DMD: variants seen among roughly 807,000 people sequenced by gnomAD.
DMD encodes the protein mutant dystrophin.
In DMD, 63 loss-of-function variants were observed where a neutral mutation model predicts 330.1. The ratio of observed to expected loss-of-function variants is 0.19; its 90% CI spans 0.16 to 0.24. The LOEUF (loss-of-function observed/expected upper bound fraction) is 0.24, where lower values mean the gene tolerates loss of function less well. Among genes scored for constraint, DMD ranks in the 10% least tolerant of loss-of-function variants. The probability of loss-of-function intolerance (pLI) is 1.00; values close to 1 mark genes in which losing one functional copy is unlikely to be tolerated. For synonymous variants in DMD, 1,223 were observed against 959.8 expected (o/e 1.27, Z -5.07); for missense variants, 3,344 against 2,684.1 (o/e 1.25, Z -5.43).
intron 7 of DMD, among the ~76,000 whole-genome samples, chrX:32,713,222 C>A (rs1298704206): frequency 9.0e-6 from 1 of 111,583 alleles, no homozygotes; most frequent in South Asian, 3.7e-4. Context: ...AACTGAATCC[C>A]TCTTACCATT....
At chrX:32,247,690 T>C (rs190285438) in intron 43 of DMD, among the ~76,000 whole-genome samples, 1 of 111,671 alleles carries the variant, frequency 9.0e-6, no homozygotes, top group African/African-American at 3.2e-5. Context: ...CAAACTGTGT[T>C]AGACAGTCCT....
rs183813755 is a variant in DMD, at chrX:31,950,746, C to T, written c.6614+17593G>A. Among the ~76,000 whole-genome samples, 381 of 110,320 alleles carry T rather than the reference C, an allele frequency of 3.5e-3. 3 individuals are homozygous for T. The highest frequency in any genetic ancestry group is 0.012 in the African/African-American group (364 of 30,479). ...TATATAATTAAAAATGTCTTTTTCT[C>T]TTGTTACATATTTTGTCATAAAGTC... is the stretch of plus-strand genomic sequence containing the variant. On this transcript the variant is annotated intron_variant, in intron 45 of 78. Transcript: ENST00000357033.
chrX:33,338,495 A>G (rs2148969935), intron 1 of DMD, among the ~76,000 whole-genome samples: 1 of 109,990 alleles, frequency 9.1e-6, no homozygotes, highest in Admixed American at 9.8e-5. Context: ...AAATAAATAA[A>G]TGCTCACATT....
At chrX:31,969,765 C>T (rs186639797) in intron 44 of DMD, among the ~76,000 whole-genome samples, 8 of 111,848 alleles carry the variant, frequency 7.2e-5, no homozygotes, top group Admixed American at 4.7e-4. Context: ...AATTAAAATA[C>T]TCTGTAAATC....
chrX:31,761,083 C>T (rs1201561851), intron 51 of DMD, among the ~76,000 whole-genome samples: 1 of 109,056 alleles, frequency 9.2e-6, no homozygotes, highest in Non-Finnish European at 1.9e-5. Flanking sequence ...GACGTGGTTT[C>T]ACCGTGTTAG....
chrX:31,909,795 G>C (rs1221235723), intron 47 of DMD, among the ~76,000 whole-genome samples: 1 of 112,045 alleles, frequency 8.9e-6, no homozygotes, highest in East Asian at 2.8e-4. Context: ...GTTTTCTTTC[G>C]TTTTTCTAAC....
intron 44 of DMD, among the ~76,000 whole-genome samples, chrX:32,011,448 A>C (rs2095708001): frequency 8.9e-6 from 1 of 112,003 alleles, no homozygotes; most frequent in African/African-American, 3.2e-5. Flanking sequence ...TACATTTCCC[A>C]GACTCATATG....
At chrX:32,302,573 T>C (rs141582257) in intron 42 of DMD, among the ~76,000 whole-genome samples, 3,077 of 111,643 alleles carry the variant, frequency 0.028, 70 homozygotes, top group Admixed American at 0.082. Flanking sequence ...GTATATTTTA[T>C]GTGGTTAACA....
rs764066207 is a variant in DMD at position 31,461,425 on chromosome X, C to G, written c.8937+16681G>C. 8.1e-5 allele frequency among the ~76,000 whole-genome samples: 9 copies of G among 111,450 alleles called. No homozygotes were observed. In the East Asian group the frequency reaches 2.3e-3, roughly 28 times the overall value. The stretch of plus-strand genomic sequence containing the variant: ...TTCACCAACCTGAGTTTCTACAAGC[C>G]CTCCAGGTGATTCTGATGTATGCTG... On this transcript the variant is annotated intron_variant, in intron 59 of 78. Coordinates refer to ENST00000357033, the MANE Select transcript of DMD (RefSeq NM_004006.3).
intron 1 of DMD, among the ~76,000 whole-genome samples, chrX:33,036,498 A>C (rs1279150912): frequency 3.6e-5 from 4 of 111,117 alleles, no homozygotes; most frequent in African/African-American, 1.3e-4. Flanking sequence ...CTATTAAAAT[A>C]GTCTTGCAAT....
At chrX:32,497,504 A>G (rs2043618028) in intron 19 of DMD, among the ~76,000 whole-genome samples, 1 of 112,324 alleles carries the variant, frequency 8.9e-6, no homozygotes, top group Non-Finnish European at 1.9e-5. Flanking sequence ...TATCTCCTCT[A>G]GAAATTATGG....
At position 32,848,696 on chromosome X, in the gene DMD, A is replaced by T. The variant is rs777315986; in HGVS notation, c.186+1032T>A. ...TACATACACTAAAAACAAGACAAAA[A>T]TGGGCCTTCTGTGGAATTTGGGAGG... On this transcript the variant is annotated intron_variant, in intron 3 of 78. Transcript: ENST00000357033. 7.2e-5 allele frequency among the ~76,000 whole-genome samples: 8 copies of T among 111,552 alleles called. No homozygotes were observed. In the South Asian group the frequency reaches 3.1e-3, roughly 43 times the overall value.
At chrX:32,069,662 C>T in intron 44 of DMD, among the ~76,000 whole-genome samples, 1 of 111,845 alleles carries the variant, frequency 8.9e-6, no homozygotes, top group South Asian at 3.7e-4. Flanking sequence ...TACAATTTCA[C>T]TCATTTAATT....
intron 9 of DMD, among the ~76,000 whole-genome samples, chrX:32,691,879 T>C (rs760256699): frequency 9.0e-6 from 1 of 111,441 alleles, no homozygotes; most frequent in East Asian, 2.8e-4. Flanking sequence ...CCTAAGGACA[T>C]TATGGGAAGT....
intron 55 of DMD, among the ~76,000 whole-genome samples, chrX:31,513,009 C>G (rs12851707): frequency 9.6e-6 from 1 of 103,751 alleles, no homozygotes; most frequent in Non-Finnish European, 2.0e-5. Context: ...CTTTTATTTC[C>G]TTGAGCAGTG....
chrX:31,656,117 A>G (rs995324313), intron 54 of DMD, among the ~76,000 whole-genome samples: 1 of 112,306 alleles, frequency 8.9e-6, no homozygotes, highest in Non-Finnish European at 1.9e-5. Context: ...CAAAGAGTAC[A>G]TGTGAAGTGA....
At chrX:32,148,251 AG>A (rs1409182979) in intron 44 of DMD, among the ~76,000 whole-genome samples, 1 of 111,469 alleles carries the variant, frequency 9.0e-6, no homozygotes, top group Non-Finnish European at 1.9e-5. Flanking sequence ...CTTACTATTT[AG>A]AAGACTCAAT....
chrX:31,380,029 C>T (rs2060084621), intron 60 of DMD, among the ~76,000 whole-genome samples: 1 of 111,341 alleles, frequency 9.0e-6, no homozygotes, highest in Non-Finnish European at 1.9e-5. Flanking sequence ...TGCCGATCTT[C>T]AGGTAACTCT....
At position 32,463,540 on chromosome X, in the gene DMD, C is replaced by T. The variant is rs2098390878; in HGVS notation, c.3331G>A (p.Gly1111Ser). 52 of 1,201,345 alleles carry T rather than the reference C, an allele frequency of 4.3e-5. No homozygotes were observed. Among genetic ancestry groups the T allele is most frequent in the Non-Finnish European group, 5.8e-5 (52 of 889,413 alleles). ...GCTTCATTCTTTATCTTCTGCCCAC[C>T]TTCATTGACACTGTTTAGACTGGGC... The part of the protein sequence containing the change: ...IQPSLNSVNE[G>S]GQKIKNEAEP... Residue 1111 changes from glycine (G) to serine (S), a missense_variant, in exon 25 of 79, where the codon GGT becomes AGT. Transcript: ENST00000357033.
Sources: gnomAD v4.1 joint callset for allele counts (sites outside exome capture counted in the v4.1 genomes callset) on GRCh38, gnomAD v4.1.1 for gene constraint, MANE v1.5 for transcripts, NCBI Gene and HGNC (gene_info 2026-07-23, HGNC 2026-07-21) for gene names.